Variants in MYO1E observed in about 807,000 individuals in gnomAD.
The protein encoded by MYO1E is myosin IE, also known as unconventional myosin-Ie.
Under a neutral mutation model 151.1 loss-of-function variants are expected in MYO1E, and 68 were observed. The ratio of observed to expected loss-of-function variants is 0.45; its 90% CI spans 0.37 to 0.55. The LOEUF is 0.55. Ranked by LOEUF, MYO1E falls within the 20% of genes least tolerant of loss-of-function variation. MYO1E has a pLI of 0.00. For synonymous variants in MYO1E, 601 were observed against 501.7 expected (o/e 1.20, Z -2.64); for missense variants, 1,363 against 1,389.3 (o/e 0.98, Z 0.30).
At position 59,137,396 on chromosome 15, in the gene MYO1E, T is replaced by C. The variant is rs763223567; in HGVS notation, c.3311A>G (p.Tyr1104Cys). The change falls in exon 28 of 28, where the codon TAT becomes TGT. Residue 1104 changes from tyrosine (Y) to cysteine (C), a missense_variant. By Grantham distance (194) the Tyr-to-Cys change is radical. Coordinates refer to ENST00000288235, the MANE Select transcript of MYO1E (RefSeq NM_004998.4). ...ACGGGCACCTCAGATCTTGGTCACA[T>C]AGTTGTTGGGGAACAGGCCCTGCTT... ...RGKQGLFPNN[Y>C]VTKI 7 of 1,614,134 alleles carry C rather than the reference T, an allele frequency of 4.3e-6. No individual in the cohort carries two copies. Among genetic ancestry groups the C allele is most frequent in the Admixed American group, 3.3e-5 (2 of 60,028 alleles).
intron 10 of MYO1E, among the ~76,000 whole-genome samples, chr15:59,215,561 C>T (rs1355241533): frequency 2.0e-5 from 3 of 151,908 alleles, no homozygotes; most frequent in Non-Finnish European, 4.4e-5. Flanking sequence ...GTGGGGGATG[C>T]AGTGGGGGAG....
intron 18 of MYO1E, among the ~76,000 whole-genome samples, chr15:59,187,455 T>G (rs1458100127): frequency 6.6e-6 from 1 of 152,218 alleles, no homozygotes; most frequent in East Asian, 1.9e-4. Flanking sequence ...TTAGATAAAT[T>G]GGAAGCCTCA....
intron 1 of MYO1E, among the ~76,000 whole-genome samples, chr15:59,332,320 C>T (rs552842368): frequency 1.3e-5 from 2 of 152,328 alleles, no homozygotes; most frequent in South Asian, 2.1e-4. Context: ...TCCAAGAATG[C>T]TGCCGATTTA....
intron 1 of MYO1E, among the ~76,000 whole-genome samples, chr15:59,309,549 C>T (rs1373118836): frequency 6.6e-6 from 1 of 152,156 alleles, no homozygotes; most frequent in Non-Finnish European, 1.5e-5. Context: ...TTGAGTCTCC[C>T]TGGAGGTCAG....
Position 59,221,023 on chromosome 15 carries a change from A to T in MYO1E, c.910+2036T>A, listed in dbSNP as rs560480938. Among the ~76,000 whole-genome samples, 39 of 145,224 alleles carry T rather than the reference A, an allele frequency of 2.7e-4. 1 individual carries two copies. The South Asian group carries it at 7.3e-3, about 27-fold the overall frequency. Reference sequence around the variant, plus strand: ...ATTATATATATAATATATATATAAAATTTATATATATATTATATATATATA... The same window carrying T: ...ATTATATATATAATATATATATAAATTTTATATATATATTATATATATATA... On this transcript the variant is annotated intron_variant, in intron 9 of 27. Transcript: ENST00000288235.
intron 8 of MYO1E, among the ~76,000 whole-genome samples, chr15:59,224,035 T>C (rs2079972278): frequency 6.6e-6 from 1 of 152,220 alleles, no homozygotes; most frequent in Admixed American, 6.5e-5. Flanking sequence ...GGTTGAGGAA[T>C]AGTCCCCAGC....
chr15:59,133,008 G>GGAA lies in MYO1E; in HGVS notation c.*4369_*4371dup. The GGAA allele has an allele frequency of 6.6e-6, 1 of 152,288 alleles. No homozygotes were observed. The highest frequency in any genetic ancestry group is 1.9e-4 in the East Asian group (1 of 5,192). The allele number at this position is 152,288 out of a possible 1,614,324, so 9.4% of individuals were successfully genotyped here. On this transcript the variant is annotated 3_prime_UTR_variant, in exon 28 of 28. Coordinates refer to ENST00000288235, the MANE Select transcript of MYO1E (RefSeq NM_004998.4). ...TTAAATAGACTTTTATGTTCTGAGA[G>GGAA]GAAGATATTGGAAGTTGAAAGGCTG...
At chr15:59,210,137 G>A (rs112638073) in intron 13 of MYO1E, among the ~76,000 whole-genome samples, 14,883 of 151,904 alleles carry the variant, frequency 0.098, 1,001 homozygotes, top group African/African-American at 0.19. Context: ...CAAAGTACTG[G>A]GATTACAGGC....
chr15:59,161,176 G>T lies in MYO1E; in HGVS notation c.2682C>A (p.Ser894=). 6.2e-7 allele frequency: 1 copy of T among 1,614,056 alleles called. No individual in the cohort carries two copies. Among genetic ancestry groups the T allele is most frequent in the Non-Finnish European group, 8.5e-7 (1 of 1,179,996 alleles). Residue 894 remains serine (S), a synonymous_variant, in exon 24 of 28, where the codon TCC becomes TCA. Transcript: ENST00000288235. Reference sequence around the variant, plus strand: ...ACCCTTGGTGGAACTGCACTTGCCGGGAGCCCCCTGCACTCCAGGGGCCCC... The same window carrying T: ...ACCCTTGGTGGAACTGCACTTGCCGTGAGCCCCCTGCACTCCAGGGGCCCC... ...ENWGPWSAGG[S]RQVQFHQGFG... is the part of the protein sequence containing the mutation.
intron 10 of MYO1E, among the ~76,000 whole-genome samples, chr15:59,216,668 A>G (rs181274704): frequency 0.14 from 1,192 of 8,630 alleles, 104 homozygotes; most frequent in African/African-American, 0.23. Context: ...GTGTATGTGT[A>G]TATATATATA....
intron 6 of MYO1E, among the ~76,000 whole-genome samples, chr15:59,228,178 A>G (rs541504121): frequency 1.9e-4 from 29 of 152,264 alleles, no homozygotes; most frequent in Non-Finnish European, 3.2e-4. Context: ...AAAGGTATCT[A>G]GGTTGTTATA....
In MYO1E at chr15:59,372,750, A is replaced by C; in HGVS notation, c.-250T>G. The C allele has an allele frequency of 7.4e-6, 4 of 539,082 alleles. No individual in the cohort carries two copies. Among genetic ancestry groups the C allele is most frequent in the Non-Finnish European group, 1.3e-5 (4 of 306,892 alleles). The allele number at this position is 539,082 out of a possible 1,614,324, so 33.4% of individuals were successfully genotyped here. ...CGCATGCTGCGGAGGGCAAGAGTCCACTCGTACTCGCCGGTCGCCGCCGGC... is the reference window on the plus strand; with the variant it reads ...CGCATGCTGCGGAGGGCAAGAGTCCCCTCGTACTCGCCGGTCGCCGCCGGC... On this transcript the variant is annotated 5_prime_UTR_variant, in exon 1 of 28. Transcript: ENST00000288235.
chr15:59,272,484 T>C, intron 1 of MYO1E, 35 bp from the exon 2 acceptor site: 1 of 1,611,678 alleles, frequency 6.2e-7, no homozygotes. Context: ...CTAGGATAGT[T>C]TGTTTTCCCC....
At chr15:59,137,676 T>C (rs949275367) in intron 27 of MYO1E, among the ~76,000 whole-genome samples, 4 of 152,196 alleles carry the variant, frequency 2.6e-5, no homozygotes, top group African/African-American at 9.6e-5. Flanking sequence ...ATATTCAAGG[T>C]TGTCTTCCTG....
rs200795307 is a variant in MYO1E at position 59,223,213 on chromosome 15, A to C, written c.778-22T>G. The stretch of plus-strand genomic sequence containing the variant: ...CGTGCTGGAAGAGAAAAGAGAAACT[A>C]TCCAGAGAAGCTGGTCACCAGCTTT... On this transcript the variant is annotated intron_variant, in intron 8 of 27. Coordinates refer to ENST00000288235, the MANE Select transcript of MYO1E (RefSeq NM_004998.4). 3,204 of 1,613,874 alleles carry C rather than the reference A, an allele frequency of 2.0e-3. 5 individuals carry two copies. Among genetic ancestry groups the C allele is most frequent in the Non-Finnish European group, 2.6e-3 (3,071 of 1,179,908 alleles).
At position 59,372,652 on chromosome 15, in the gene MYO1E, C is replaced by T. The variant is rs1378323875; in HGVS notation, c.-152G>A. On this transcript the variant is annotated 5_prime_UTR_variant, in exon 1 of 28. Transcript: ENST00000288235. ...GCACTCACAGGAGCCAATGGGAACC[C>T]AGAGGGGACTCCATCCAGGCGGGAT... 7.4e-6 allele frequency: 7 copies of T among 943,788 alleles called. No homozygotes were observed. Among genetic ancestry groups the T allele is most frequent in the African/African-American group, 6.7e-5 (4 of 59,276 alleles). The allele number at this position is 943,788 out of a possible 1,614,324, so 58.5% of individuals were successfully genotyped here.
chr15:59,368,669 C>G (rs1441571534), intron 1 of MYO1E, among the ~76,000 whole-genome samples: 1 of 152,050 alleles, frequency 6.6e-6, no homozygotes, highest in Non-Finnish European at 1.5e-5. Flanking sequence ...TCGTTTGAAA[C>G]CGGGAGGCGG....
chr15:59,314,985 T>C (rs1314910492), intron 1 of MYO1E, among the ~76,000 whole-genome samples: 1 of 152,114 alleles, frequency 6.6e-6, no homozygotes, highest in African/African-American at 2.4e-5. Flanking sequence ...TGGATTTCCA[T>C]GAGTAACCTT....
At chr15:59,281,971 A>G (rs911120346) in intron 1 of MYO1E, among the ~76,000 whole-genome samples, 1 of 152,026 alleles carries the variant, frequency 6.6e-6, no homozygotes, top group Non-Finnish European at 1.5e-5. Flanking sequence ...CAAAAAAAAA[A>G]AAGGAAAAGA....
Sources: gnomAD v4.1 joint callset for allele counts (sites outside exome capture counted in the v4.1 genomes callset) on GRCh38, gnomAD v4.1.1 for gene constraint, MANE v1.5 for transcripts, NCBI Gene and HGNC (gene_info 2026-07-23, HGNC 2026-07-21) for gene names.